Variants in BRD3 observed in about 807,000 individuals in gnomAD.
BRD3 encodes bromodomain containing 3.
Under a neutral mutation model 66.8 loss-of-function variants are expected in BRD3, and 17 were observed. The observed-to-expected ratio is 0.25, with a 90% confidence interval of 0.17 to 0.38. The LOEUF (loss-of-function observed/expected upper bound fraction) is 0.38. Ranked by LOEUF, BRD3 falls within the 10% of genes least tolerant of loss-of-function variation. BRD3 has a pLI of 1.00. For missense variants in BRD3, 713 were observed against 956.1 expected, an observed-to-expected ratio of 0.75 and a Z score of 3.35; for synonymous variants, 421 against 393.2, an observed-to-expected ratio of 1.07 and a Z score of -0.84.
intron 1 of BRD3, among the ~76,000 whole-genome samples, chr9:134,061,955 G>A (rs1830552029): frequency 6.6e-6 from 1 of 152,118 alleles, no homozygotes; most frequent in Admixed American, 6.5e-5. Flanking sequence ...CTGTCCCCAG[G>A]CGGCCAGAGG....
chr9:134,050,603 A>G lies in BRD3; in HGVS notation c.500-15T>C. ...TTGCTGTGTACCTTCAAGACAAGGAAGGGATGTTCAACACACCAGGCTCCA... is the reference window on the plus strand; with the variant it reads ...TTGCTGTGTACCTTCAAGACAAGGAGGGGATGTTCAACACACCAGGCTCCA... On this transcript the variant is annotated splice_polypyrimidine_tract_variant and intron_variant, in intron 4 of 11. Coordinates refer to ENST00000303407, the MANE Select transcript of BRD3 (RefSeq NM_007371.4). The G allele has an allele frequency of 6.3e-7, 1 of 1,596,688 alleles. No individual in the cohort carries two copies. The highest frequency in any genetic ancestry group is 1.7e-5 in the Admixed American group (1 of 59,718).
chr9:134,065,382 C>A (rs11794274), intron 1 of BRD3, among the ~76,000 whole-genome samples: 1 of 151,142 alleles, frequency 6.6e-6, no homozygotes, highest in African/African-American at 2.4e-5. Context: ...TGAGATCGTG[C>A]CACTGCACTC....
chr9:134,065,465 G>A (rs1241399221), intron 1 of BRD3, among the ~76,000 whole-genome samples: 2 of 150,328 alleles, frequency 1.3e-5, no homozygotes, highest in Non-Finnish European at 2.9e-5. Context: ...ACCTGCCTAG[G>A]ACAGGAACCC....
intron 9 of BRD3, among the ~76,000 whole-genome samples, chr9:134,038,153 T>C (rs1829967826): frequency 6.6e-6 from 1 of 152,062 alleles, no homozygotes. Context: ...CTTTCAAATC[T>C]TTTTTTTCTT....
rs148562631 is a variant in BRD3 at position 134,051,677 on chromosome 9, A to T, written c.384T>A (p.Ala128=). 3.1e-6 allele frequency: 5 copies of T among 1,587,662 alleles called. No homozygotes were observed. The highest frequency in any genetic ancestry group is 1.7e-4 in the Middle Eastern group (1 of 5,984). Residue 128 remains alanine (A), a synonymous_variant, in exon 4 of 12, where the codon GCT becomes GCA. Coordinates refer to ENST00000303407, the MANE Select transcript of BRD3 (RefSeq NM_007371.4). Reference sequence around the variant, plus strand: ...CTTTTTGTAGAAAAATTTTCTCTAAAGCTTGGGCCATTAGCACTATGTCAT... The same window carrying T: ...CTTTTTGTAGAAAAATTTTCTCTAATGCTTGGGCCATTAGCACTATGTCAT... The part of the protein sequence containing the change: ...PTDDIVLMAQ[A]LEKIFLQKVA...
In BRD3 at chr9:134,051,842, A is replaced by AAT. The variant is rs550246502; in HGVS notation, c.352-135_352-134dup. On this transcript the variant is annotated intron_variant, in intron 3 of 11. Transcript: ENST00000303407. ...TGGCAGCGCAGGAGAGAACAAAATGAATATATGTGTGTGTGTGTGTGTGTG... is the reference window on the plus strand; with the variant it reads ...TGGCAGCGCAGGAGAGAACAAAATGAATATATATGTGTGTGTGTGTGTGTGTG... 3,098 of 774,618 alleles carry AAT rather than the reference A, an allele frequency of 4.0e-3. 88 individuals are homozygous for AAT. In the African/African-American group the frequency reaches 0.048, roughly 12 times the overall value. 48.0% of individuals were successfully genotyped at this position (774,618 alleles called of 1,614,324 possible).
intron 7 of BRD3, among the ~76,000 whole-genome samples, chr9:134,044,686 AGCACACACAC>A (rs1161314663): frequency 1.3e-5 from 2 of 152,124 alleles, no homozygotes; most frequent in Non-Finnish European, 2.9e-5. Flanking sequence ...CGCAGGCAGG[AGCACACACAC>A]GCACACACGT....
intron 6 of BRD3, among the ~76,000 whole-genome samples, chr9:134,047,489 C>G (rs772106571): frequency 5.2e-4 from 79 of 152,204 alleles, no homozygotes; most frequent in Non-Finnish European, 7.9e-4. Context: ...CCATAGGGAC[C>G]AGACTCACTC....
chr9:134,051,508 C>G, intron 4 of BRD3, 54 bp downstream of exon 4: 1 of 1,462,138 alleles, frequency 6.8e-7, no homozygotes, highest in Non-Finnish European at 8.9e-7. Flanking sequence ...AGCCCATCCA[C>G]CCGTGGGCCT....
At chr9:134,053,065 G>A (rs1041004838) in intron 2 of BRD3, among the ~76,000 whole-genome samples, 200 bp downstream of exon 2, 3 of 152,150 alleles carry the variant, frequency 2.0e-5, no homozygotes, top group Non-Finnish European at 4.4e-5. Context: ...CCTGCACCTG[G>A]GGCAGCCGCC....
chr9:134,062,605 C>T (rs995697374), intron 1 of BRD3, among the ~76,000 whole-genome samples: 4 of 152,128 alleles, frequency 2.6e-5, no homozygotes, highest in African/African-American at 7.2e-5. Context: ...TTCCAAGCTC[C>T]GTCCCTACCC....
At chr9:134,037,984 A>G (rs759874653) in intron 9 of BRD3, among the ~76,000 whole-genome samples, 4 of 152,226 alleles carry the variant, frequency 2.6e-5, no homozygotes, top group Non-Finnish European at 4.4e-5. Flanking sequence ...TGATAATCTA[A>G]TAAGCCTATA....
rs200178408 is a variant in BRD3 at position 134,034,697 on chromosome 9, G to C, written c.2065+4C>G. On this transcript the variant is annotated splice_donor_region_variant and intron_variant, in intron 11 of 11. Transcript: ENST00000303407. ...AGGGGTGGCACAGCGGCCGCCAGCG[G>C]TACCTTTCCGGGCGGGCTTCTTGCT... is the stretch of plus-strand genomic sequence containing the variant. 263 of 1,603,472 alleles carry C rather than the reference G, an allele frequency of 1.6e-4. No homozygotes were observed. The African/African-American group carries it at 3.0e-3, about 18-fold the overall frequency.
intron 1 of BRD3, among the ~76,000 whole-genome samples, chr9:134,066,007 T>C (rs1393822553): frequency 6.6e-6 from 1 of 152,172 alleles, no homozygotes; most frequent in Admixed American, 6.5e-5. Flanking sequence ...CAAAGCTCAC[T>C]CACTTCCGAA....
intron 1 of BRD3, among the ~76,000 whole-genome samples, chr9:134,066,936 G>A (rs139147455): frequency 6.6e-6 from 1 of 152,168 alleles, no homozygotes; most frequent in African/African-American, 2.4e-5. Context: ...TCGGCGGGCC[G>A]AGTTCTCGCC....
chr9:134,052,050 C>T (rs1830317614), intron 3 of BRD3, among the ~76,000 whole-genome samples: 1 of 152,048 alleles, frequency 6.6e-6, no homozygotes, highest in African/African-American at 2.4e-5. Flanking sequence ...GCCACCACAC[C>T]TGGCTAATTT....
At chr9:134,060,682 C>G (rs1179656686) in intron 1 of BRD3, among the ~76,000 whole-genome samples, 9 of 152,116 alleles carry the variant, frequency 5.9e-5, no homozygotes, top group African/African-American at 1.2e-4. Context: ...TGGCCAGGCT[C>G]CCCTAACACT....
chr9:134,052,421 T>A lies in BRD3; in HGVS notation c.236A>T (p.Asn79Ile). The A allele has an allele frequency of 1.2e-6, 2 of 1,605,552 alleles. No homozygotes were observed. Among genetic ancestry groups the A allele is most frequent in the Non-Finnish European group, 1.7e-6 (2 of 1,177,046 alleles). The change falls in exon 3 of 12, where the codon AAC becomes ATC. Residue 79 changes from asparagine (N) to isoleucine (I), a missense_variant. Coordinates refer to ENST00000303407, the MANE Select transcript of BRD3 (RefSeq NM_007371.4). The stretch of plus-strand genomic sequence containing the variant: ...CTTAATAGTCCCCATATCCATTGGG[T>A]TTTTAATTATTTTATGATAATCCTA... ...NLPDYHKIIK[N>I]PMDMGTIKKR...
intron 10 of BRD3, among the ~76,000 whole-genome samples, chr9:134,035,485 C>T (rs930626284): frequency 5.3e-5 from 8 of 152,206 alleles, no homozygotes; most frequent in Admixed American, 1.3e-4. Context: ...AGCAGTGACT[C>T]GTTCCTGCCA....
Sources: gnomAD v4.1 joint callset for allele counts (sites outside exome capture counted in the v4.1 genomes callset) on GRCh38, gnomAD v4.1.1 for gene constraint, MANE v1.5 for transcripts, NCBI Gene and HGNC (gene_info 2026-07-23, HGNC 2026-07-21) for gene names.